Variants in ANKS1B observed in about 807,000 individuals in gnomAD.
ANKS1B encodes ankyrin repeat and sterile alpha motif domain-containing protein 1B.
Under a neutral mutation model 148.3 loss-of-function variants are expected in ANKS1B, and 36 were observed. The observed-to-expected ratio is 0.24, with a 90% CI of 0.19 to 0.32. The LOEUF (loss-of-function observed/expected upper bound fraction) is 0.32. Ranked by LOEUF, ANKS1B falls within the 10% of genes least tolerant of loss-of-function variation. The pLI, the probability that ANKS1B is intolerant of heterozygous loss-of-function variation, is 1.00. For missense variants in ANKS1B, 1,157 were observed against 1,542.6 expected (o/e 0.75, Z 4.19); for synonymous variants, 542 against 560.8 (o/e 0.97, Z 0.47).
intron 15 of ANKS1B, among the ~76,000 whole-genome samples, chr12:99,091,982 G>A (rs1433243113): frequency 2.0e-5 from 3 of 152,152 alleles, no homozygotes; most frequent in Non-Finnish European, 4.4e-5. Flanking sequence ...GAAAGCGAGT[G>A]TTCCAATGCA....
chr12:99,241,991 G>C (rs934322496), intron 14 of ANKS1B, among the ~76,000 whole-genome samples: 11 of 152,248 alleles, frequency 7.2e-5, no homozygotes, highest in East Asian at 3.9e-4. Flanking sequence ...ACCGGCGAAA[G>C]ACAGGGATGC....
At chr12:99,660,762 A>G (rs2098473628) in intron 8 of ANKS1B, among the ~76,000 whole-genome samples, 1 of 152,172 alleles carries the variant, frequency 6.6e-6, no homozygotes, top group African/African-American at 2.4e-5. Flanking sequence ...CCTCTTCCTT[A>G]AAACCTTCAA....
At chr12:98,775,615 C>T (rs2098664827) in intron 24 of ANKS1B, among the ~76,000 whole-genome samples, 2 of 131,578 alleles carry the variant, frequency 1.5e-5, no homozygotes, top group South Asian at 4.8e-4. Context: ...GGCTTATTTT[C>T]TGTATTTTTT....
intron 15 of ANKS1B, among the ~76,000 whole-genome samples, chr12:99,131,763 T>C (rs893076446): frequency 1.3e-5 from 2 of 152,258 alleles, no homozygotes; most frequent in South Asian, 2.1e-4. Context: ...ACTTCCTCTG[T>C]GGCAAATTAA....
At chr12:99,260,836 G>A (rs2075852104) in intron 12 of ANKS1B, among the ~76,000 whole-genome samples, 1 of 152,138 alleles carries the variant, frequency 6.6e-6, no homozygotes, top group South Asian at 2.1e-4. Flanking sequence ...CAGCCAGAGA[G>A]CCTAAACAAA....
chr12:99,425,004 C>T (rs1005727084), intron 11 of ANKS1B, among the ~76,000 whole-genome samples: 1 of 151,978 alleles, frequency 6.6e-6, no homozygotes, highest in Non-Finnish European at 1.5e-5. Context: ...CTGTACCTCA[C>T]TTTCCTTTTT....
intron 11 of ANKS1B, among the ~76,000 whole-genome samples, chr12:99,440,890 G>A (rs961996763): frequency 1.3e-5 from 2 of 151,868 alleles, no homozygotes; most frequent in Admixed American, 1.3e-4. Context: ...TCTATTTTCA[G>A]TGAATGAGAT....
intron 8 of ANKS1B, among the ~76,000 whole-genome samples, chr12:99,730,307 CTCAAG>C: frequency 7.0e-6 from 1 of 142,398 alleles, no homozygotes; most frequent in Admixed American, 7.0e-5. Context: ...CAGGCAAAAT[CTCAAG>C]TCAAGTCAAG....
At chr12:98,948,946 A>ATTTTTTTTTTTTTT (rs1567958669) in intron 17 of ANKS1B, among the ~76,000 whole-genome samples, 21 of 89,160 alleles carry the variant, frequency 2.4e-4, no homozygotes, top group African/African-American at 7.3e-4. Flanking sequence ...AGCATGAGCT[A>ATTTTTTTTTTTTTT]CTTTTTTTTT....
At chr12:99,096,078 A>T (rs540329313) in intron 15 of ANKS1B, among the ~76,000 whole-genome samples, 8 of 152,342 alleles carry the variant, frequency 5.3e-5, no homozygotes, top group Admixed American at 3.9e-4. Flanking sequence ...TAAACCTGGT[A>T]TTCTACAGGA....
At chr12:99,184,256 T>A (rs2079504232) in intron 14 of ANKS1B, among the ~76,000 whole-genome samples, 1 of 152,176 alleles carries the variant, frequency 6.6e-6, no homozygotes, top group Admixed American at 6.5e-5. Context: ...AAAAAATATG[T>A]CAAGAGACTA....
chr12:98,927,554 CTTT>C (rs1200787532), intron 17 of ANKS1B, among the ~76,000 whole-genome samples: 1 of 151,670 alleles, frequency 6.6e-6, no homozygotes, highest in East Asian at 1.9e-4. Context: ...TAAATATATA[CTTT>C]TTTAATTGAA....
At chr12:98,834,271 T>C (rs1356752936) in intron 17 of ANKS1B, among the ~76,000 whole-genome samples, 1 of 152,222 alleles carries the variant, frequency 6.6e-6, no homozygotes, top group Admixed American at 6.5e-5. Flanking sequence ...TACCCTATTA[T>C]AGCTGCTTAA....
In ANKS1B at chr12:99,732,643, A is replaced by ATT. The variant is rs1381879750; in HGVS notation, c.1128+40277_1128+40278dup. Among the ~76,000 whole-genome samples, 5 of 152,184 alleles carry ATT rather than the reference A, an allele frequency of 3.3e-5. No individual in the cohort carries two copies. In the South Asian group the frequency reaches 8.3e-4, roughly 25 times the overall value. On this transcript the variant is annotated intron_variant, in intron 8 of 26. Transcript: ENST00000683438. Reference sequence around the variant, plus strand: ...AGATCTTTGGAAGAATGATGAAAATATTTTATATCTTTATTATGGTTTTAG... The same window carrying ATT: ...AGATCTTTGGAAGAATGATGAAAATATTTTTTATATCTTTATTATGGTTTTAG...
chr12:99,815,907 T>C (rs567438807), intron 2 of ANKS1B, among the ~76,000 whole-genome samples: 4 of 151,958 alleles, frequency 2.6e-5, no homozygotes, highest in Non-Finnish European at 4.4e-5. Context: ...TTAGGTTGGT[T>C]CCATATCCTT....
At chr12:99,057,205 C>T (rs2040511674) in intron 16 of ANKS1B, among the ~76,000 whole-genome samples, 1 of 152,254 alleles carries the variant, frequency 6.6e-6, no homozygotes, top group African/African-American at 2.4e-5. Context: ...CAGCCTGTTT[C>T]CTCTTTTTTA....
intron 10 of ANKS1B, among the ~76,000 whole-genome samples, chr12:99,480,048 T>C (rs989195368): frequency 6.6e-6 from 1 of 151,604 alleles, no homozygotes; most frequent in Non-Finnish European, 1.5e-5. Context: ...AATTTAAAAA[T>C]GAAAAATTTA....
intron 12 of ANKS1B, among the ~76,000 whole-genome samples, chr12:99,312,288 A>G (rs1391465977): frequency 6.6e-6 from 1 of 152,180 alleles, no homozygotes; most frequent in African/African-American, 2.4e-5. Flanking sequence ...ACGGACTTAT[A>G]AGCAGTGAAT....
At chr12:99,134,759 A>G (rs1335702451) in intron 15 of ANKS1B, among the ~76,000 whole-genome samples, 1 of 151,744 alleles carries the variant, frequency 6.6e-6, no homozygotes, top group Non-Finnish European at 1.5e-5. Context: ...CTCTAAAGAC[A>G]TTTTAAAAAG....
Sources: allele counts gnomAD v4.1 joint callset (sites outside exome capture counted in the v4.1 genomes callset), GRCh38; gene constraint gnomAD v4.1.1; transcripts MANE v1.5; gene names NCBI Gene and HGNC (gene_info 2026-07-23, HGNC 2026-07-21).